The following LGI1 variants were observed in gnomAD, a reference collection of about 807,000 sequenced individuals.
The protein encoded by LGI1 is leucine-rich glioma-inactivated protein 1.
LGI1 carries 11 observed loss-of-function variants against 57.7 expected under a neutral mutation model. The ratio of observed to expected loss-of-function variants is 0.19; its 90% CI spans 0.12 to 0.32. The LOEUF (loss-of-function observed/expected upper bound fraction) is 0.32. Ranked by LOEUF, LGI1 falls within the 10% of genes least tolerant of loss-of-function variation. The pLI is 1.00. For synonymous variants in LGI1, 222 were observed against 241.9 expected (o/e 0.92, Z 0.76); for missense variants, 422 against 661.9 (o/e 0.64, Z 3.98).
chr10:93,792,514 A>G (rs2059945654), intron 5 of LGI1: 2 of 594,990 alleles, frequency 3.4e-6, no homozygotes, highest in Admixed American at 2.6e-5. Context: ...TTTGGAATTC[A>G]AGAGGGAGTA....
intron 4 of LGI1, chr10:93,789,257 T>A (rs949505585): frequency 6.6e-6 from 1 of 152,180 alleles, no homozygotes; most frequent in Non-Finnish European, 1.5e-5. Flanking sequence ...ATAAGAAAAC[T>A]TTTTTCTGAG....
chr10:93,793,443 G>C, intron 7 of LGI1, 93 bp downstream of exon 7: 2 of 1,097,670 alleles, frequency 1.8e-6, no homozygotes, highest in East Asian at 2.4e-5. Context: ...GAATGCTTTA[G>C]CATTTGAATT....
At chr10:93,768,250 A>C (rs979429152) in intron 2 of LGI1, 4 of 152,142 alleles carry the variant, frequency 2.6e-5, no homozygotes, top group African/African-American at 9.7e-5. Flanking sequence ...GCTGATACTA[A>C]AAAGAGGGAG....
At chr10:93,785,611 C>T (rs972536773) in intron 4 of LGI1, among the ~76,000 whole-genome samples, 12 of 152,188 alleles carry the variant, frequency 7.9e-5, no homozygotes, top group South Asian at 4.1e-4. Context: ...ATACTTAGCA[C>T]GTATAGCAAC....
At chr10:93,772,528 T>A (rs1309209721) in intron 2 of LGI1, among the ~76,000 whole-genome samples, 2 of 152,198 alleles carry the variant, frequency 1.3e-5, no homozygotes, top group Non-Finnish European at 2.9e-5. Context: ...ATGGAAACTA[T>A]ATTTTTGAAA....
chr10:93,793,071 G>A (rs2059949947), intron 6 of LGI1, 115 bp from the exon 7 acceptor site: 2 of 1,174,404 alleles, frequency 1.7e-6, no homozygotes, highest in Admixed American at 2.3e-5. Flanking sequence ...GTGTTTAAAA[G>A]TAAAATGGCC....
Position 93,758,479 on chromosome 10 carries a change from G to A in LGI1, c.215+120G>A. ...GAGAGAGATTCCTCTTGCATGCTTGGCCATTTGACAGTGCTAACATTTGCT... is the reference window on the plus strand; with the variant it reads ...GAGAGAGATTCCTCTTGCATGCTTGACCATTTGACAGTGCTAACATTTGCT... On this transcript the variant is annotated intron_variant, in intron 1 of 7. Coordinates refer to ENST00000371418, the MANE Select transcript of LGI1 (RefSeq NM_005097.4). This position sits in a 1 kb window ranked among gnomAD's most constrained non-coding sequence, Gnocchi z 4.7. The A allele has an allele frequency of 1.9e-6, 2 of 1,065,094 alleles. No homozygotes were observed. The highest frequency in any genetic ancestry group is 2.4e-5 in the East Asian group (1 of 42,340). 66.0% of individuals were successfully genotyped at this position (1,065,094 alleles called of 1,614,324 possible).
chr10:93,771,860 G>A (rs11594268), intron 2 of LGI1: 30,498 of 151,686 alleles, frequency 0.2, 3,637 homozygotes, highest in East Asian at 0.39. Flanking sequence ...CTGTAATCCC[G>A]GCTACTCAGA....
In LGI1 at chr10:93,797,626, T is replaced by C; in HGVS notation, c.1497T>C (p.Thr499=). ...TTCTTGGAAGTGATTACTCCTTTAC[T>C]CAAGTGTATAACTGGGATGCAGAGA... ...YAILGSDYSF[T]QVYNWDAEKA... is the part of the protein sequence containing the mutation. The change falls in exon 8 of 8, where the codon ACT becomes ACC. Residue 499 remains threonine (T), a synonymous_variant. Transcript: ENST00000371418. The surrounding 1 kb of genome is among the most constrained non-coding windows in gnomAD (Gnocchi z 6.5). 1 of 1,614,158 alleles carries C rather than the reference T, an allele frequency of 6.2e-7. No individual in the cohort carries two copies. Among genetic ancestry groups the C allele is most frequent in the South Asian group, 1.1e-5 (1 of 91,084 alleles).
intron 4 of LGI1, chr10:93,780,313 A>G (rs150913335): frequency 2.0e-5 from 3 of 152,416 alleles, no homozygotes; most frequent in African/African-American, 7.2e-5. Context: ...CTGAAACCCA[A>G]ATTTCCCTCT....
At chr10:93,769,567 C>A (rs560493520) in intron 2 of LGI1, 1 of 152,362 alleles carries the variant, frequency 6.6e-6, no homozygotes, top group Non-Finnish European at 1.5e-5. Flanking sequence ...GAGACATGCT[C>A]ATACACATTA....
At position 93,758,337 on chromosome 10, in the gene LGI1, G is replaced by A; in HGVS notation, c.193G>A (p.Val65Ile). ...GAATGCCAGATCCATTCCACGCACC[G>A]TTCCTCCTGATGTTATCTCATTGTA... ...CENARSIPRT[V>I]PPDVISLSFV... Residue 65 changes from valine to isoleucine, a missense_variant, in exon 1 of 8, where the codon GTT becomes ATT. By Grantham distance (29) the Val-to-Ile change is conservative. This residue lies in a region of LGI1 where 63 missense variants were observed against 138.4 expected (regional missense o/e 0.46). Coordinates refer to ENST00000371418, the MANE Select transcript of LGI1 (RefSeq NM_005097.4). The surrounding 1 kb of genome is among the most constrained non-coding windows in gnomAD (Gnocchi z 4.7). The A allele has an allele frequency of 6.2e-7, 1 of 1,614,014 alleles. No individual in the cohort carries two copies. The highest frequency in any genetic ancestry group is 8.5e-7 in the Non-Finnish European group (1 of 1,179,966).
At chr10:93,777,147 G>A in intron 2 of LGI1, 1 of 605,562 alleles carries the variant, frequency 1.7e-6, no homozygotes, top group Non-Finnish European at 2.9e-6. Flanking sequence ...AGGGTATGTG[G>A]CAGTCATTGT....
chr10:93,762,313 C>T (rs1421651827), intron 2 of LGI1: 1 of 152,152 alleles, frequency 6.6e-6, no homozygotes, highest in Admixed American at 6.5e-5. Context: ...AATTAATCCA[C>T]AATCAACACA....
chr10:93,796,364 G>A (rs1029343359), intron 7 of LGI1, among the ~76,000 whole-genome samples: 2 of 152,002 alleles, frequency 1.3e-5, no homozygotes, highest in African/African-American at 4.8e-5. Context: ...GCTAGCCTTT[G>A]GTTATCTAAG....
chr10:93,785,470 T>C (rs7082936), intron 4 of LGI1, among the ~76,000 whole-genome samples: 122,880 of 152,134 alleles, frequency 0.81, 54,050 homozygotes, highest in Non-Finnish European at 0.97. Context: ...GAAATTAACT[T>C]GGCTAAGGAC....
intron 5 of LGI1, chr10:93,792,473 C>T (rs763102417): frequency 8.4e-6 from 4 of 476,580 alleles, no homozygotes; most frequent in Non-Finnish European, 1.1e-5. Flanking sequence ...TATACTGTTT[C>T]TATTGACAGC....
Position 93,758,909 on chromosome 10 carries a change from T to C in LGI1, c.287+78T>C. The C allele has an allele frequency of 9.4e-7, 1 of 1,063,262 alleles. No homozygotes were observed. The highest frequency in any genetic ancestry group is 1.3e-5 in the South Asian group (1 of 76,840). The allele number at this position is 1,063,262 out of a possible 1,614,324, so 65.9% of individuals were successfully genotyped here. On this transcript the variant is annotated intron_variant, in intron 2 of 7. Transcript: ENST00000371418. This position sits in a 1 kb window ranked among gnomAD's most constrained non-coding sequence, Gnocchi z 4.7. Reference sequence around the variant, plus strand: ...GCCTTCTAGTAAAATGATCTCAATATTAATTTTGTCAAATGTGATTCTATT... The same window carrying C: ...GCCTTCTAGTAAAATGATCTCAATACTAATTTTGTCAAATGTGATTCTATT...
Position 93,797,448 on chromosome 10 carries a change from T to C in LGI1, c.1319T>C (p.Val440Ala), listed in dbSNP as rs755552509. 6 of 1,614,220 alleles carry C rather than the reference T, an allele frequency of 3.7e-6. No homozygotes were observed. The Admixed American group carries it at 1.0e-4, about 27-fold the overall frequency. The change falls in exon 8 of 8, where the codon GTG (valine) becomes GCG (alanine). Residue 440 changes from valine (V) to alanine (A), a missense_variant. Val to Ala is a moderately conservative substitution (Grantham distance 64, BLOSUM62 0). This residue lies in a region of LGI1 where 301 missense variants were observed against 461.7 expected (regional missense o/e 0.65). Transcript: ENST00000371418. The surrounding 1 kb of genome is among the most constrained non-coding windows in gnomAD (Gnocchi z 6.5). ...EDVYAVKHFS[V>A]KGDVYICLTR... ...GTGTACGCAGTGAAGCACTTCTCAGTGAAAGGGGACGTGTACATTTGCTTG... is the reference window on the plus strand; with the variant it reads ...GTGTACGCAGTGAAGCACTTCTCAGCGAAAGGGGACGTGTACATTTGCTTG...
Sources: gnomAD v4.1 joint callset for allele counts (sites outside exome capture counted in the v4.1 genomes callset) on GRCh38, gnomAD v4.1.1 for gene constraint, gnomAD v4.1.1 regional missense constraint, Gnocchi (gnomAD v3.1) non-coding constraint, MANE v1.5 for transcripts, NCBI Gene and HGNC (gene_info 2026-07-23, HGNC 2026-07-21) for gene names.